Variants in FAAP20 observed in about 807,000 individuals in gnomAD.
FAAP20 encodes Fanconi anemia core complex-associated protein 20.
Under a neutral mutation model 16.2 loss-of-function variants are expected in FAAP20, and 12 were observed. The observed-to-expected ratio is 0.74, with a 90% confidence interval of 0.48 to 1.20. The LOEUF (loss-of-function observed/expected upper bound fraction) is 1.20. FAAP20 is among the 50% of genes most tolerant of loss of function. FAAP20 has a pLI of 0.00. For synonymous variants in FAAP20, 141 were observed against 110.7 expected, an observed-to-expected ratio of 1.27 and a Z score of -1.72; for missense variants, 288 against 245.8, an observed-to-expected ratio of 1.17 and a Z score of -1.15.
intron 3 of FAAP20, among the ~76,000 whole-genome samples, chr1:2,205,272 G>T (rs1188893638): frequency 1.1e-5 from 1 of 87,294 alleles, no homozygotes; most frequent in African/African-American, 4.6e-5. Context: ...TCCAGGCAGC[G>T]CCCACACCCC....
Position 2,190,016 on chromosome 1 carries a change from G to A in FAAP20, c.471-235C>T, listed in dbSNP as rs973217185. 4.6e-5 allele frequency: 28 copies of A among 610,174 alleles called. No homozygotes were observed. The East Asian group carries it at 7.8e-4, about 17-fold the overall frequency. The allele number at this position is 610,174 out of a possible 1,614,324, so 37.8% of individuals were successfully genotyped here. ...CACGCCAGGCCCCTGCGTCCGAGCTGGGGGTGGGGAAGCTGTGTCTCAACA... is the reference window on the plus strand; with the variant it reads ...CACGCCAGGCCCCTGCGTCCGAGCTAGGGGTGGGGAAGCTGTGTCTCAACA... On this transcript the variant is annotated intron_variant, in intron 3 of 3. Transcript: ENST00000378546.
Position 2,193,923 on chromosome 1 carries a change from G to A in FAAP20, c.199-13C>T. 6.2e-7 allele frequency: 1 copy of A among 1,612,356 alleles called. No homozygotes were observed. Among genetic ancestry groups the A allele is most frequent in the Non-Finnish European group, 8.5e-7 (1 of 1,179,786 alleles). ...CGCACCTGGGCTCCTGCAACACAGA[G>A]TTGTTGGGCCTTGCCCAGCGATGGC... On this transcript the variant is annotated splice_polypyrimidine_tract_variant and intron_variant, in intron 2 of 3. Transcript: ENST00000378546.
chr1:2,196,196 T>C (rs1275216448), upstream of FAAP20, among the ~76,000 whole-genome samples: 1 of 152,206 alleles, frequency 6.6e-6, no homozygotes, highest in African/African-American at 2.4e-5. This position sits in a 1 kb window ranked among gnomAD's most constrained non-coding sequence, Gnocchi z 4.5. Flanking sequence ...TTCTGGGTCT[T>C]TCCTGGAAAT....
upstream of FAAP20, chr1:2,198,294 T>A (rs72925893): frequency 2.6e-3 from 1,858 of 716,290 alleles, 39 homozygotes; most frequent in African/African-American, 0.031. Context: ...GGTGGGGGCA[T>A]CAGAGCCACC....
intron 3 of FAAP20, chr1:2,193,282 T>G: frequency 2.2e-6 from 1 of 446,872 alleles, no homozygotes; most frequent in East Asian, 4.2e-5. Flanking sequence ...TCTTCATTTT[T>G]AAAACCCATG....
Position 2,189,678 on chromosome 1 carries a change from C to G in FAAP20, c.*31G>C, listed in dbSNP as rs371506030. On this transcript the variant is annotated 3_prime_UTR_variant, in exon 4 of 4. Transcript: ENST00000378546. ...TGGCGGGGGAGAGCGTGTCCGGGCGCCGCACTCTGCGCAGGGCTCTTGGAT... is the reference window on the plus strand; with the variant it reads ...TGGCGGGGGAGAGCGTGTCCGGGCGGCGCACTCTGCGCAGGGCTCTTGGAT... The G allele has an allele frequency of 1.3e-6, 2 of 1,595,408 alleles. No individual in the cohort carries two copies. The highest frequency in any genetic ancestry group is 8.6e-7 in the Non-Finnish European group (1 of 1,166,206).
chr1:2,194,240 T>C (rs1688608711), intron 1 of FAAP20, 107 bp from the exon 2 acceptor site: 1 of 1,418,286 alleles, frequency 7.1e-7, no homozygotes, highest in African/African-American at 1.6e-5. Context: ...TGGGGGGTAC[T>C]AGAGGGAAAT....
upstream of FAAP20, chr1:2,198,405 C>T: frequency 2.7e-6 from 1 of 373,532 alleles, no homozygotes; most frequent in Non-Finnish European, 4.9e-6. Flanking sequence ...GGCCCCAGCC[C>T]ACTGAGCTGG....
At chr1:2,194,825 C>T, upstream of FAAP20, 1 of 1,082,530 alleles carries the variant, frequency 9.2e-7, no homozygotes, top group Non-Finnish European at 1.1e-6. Context: ...CCCGGCCCCG[C>T]CTCCAGACCT....
At chr1:2,196,970 C>G (rs1348650169), upstream of FAAP20, among the ~76,000 whole-genome samples, 1 of 152,214 alleles carries the variant, frequency 6.6e-6, no homozygotes, top group East Asian at 1.9e-4. The surrounding 1 kb of genome is among the most constrained non-coding windows in gnomAD (Gnocchi z 4.5). Flanking sequence ...CTCCCAACCC[C>G]AGGGTTCTGC....
chr1:2,187,206 A>G (rs1687694605), downstream of FAAP20: 1 of 470,768 alleles, frequency 2.1e-6, no homozygotes. Flanking sequence ...TCCATGAAAG[A>G]CTTTAATGGA....
chr1:2,185,016 G>C (rs80119748), downstream of FAAP20: 38 of 1,607,972 alleles, frequency 2.4e-5, 1 homozygote, highest in South Asian at 4.0e-4. Context: ...GTGAGGCCGC[G>C]TGCGTCTCTG....
downstream of FAAP20, chr1:2,186,089 G>A (rs750407897): frequency 7.7e-5 from 35 of 454,058 alleles, no homozygotes; most frequent in Middle Eastern, 3.3e-4. Flanking sequence ...TGGCAGAGCC[G>A]TCTTCTGAGC....
At chr1:2,206,454 T>A (rs1010165193) in intron 2 of FAAP20, 3 of 152,200 alleles carry the variant, frequency 2.0e-5, no homozygotes, top group African/African-American at 7.2e-5. Flanking sequence ...ACTGTTTAAC[T>A]CCAGTGAAAA....
At chr1:2,206,184 C>T (rs1226392067) in intron 3 of FAAP20, 1 of 152,328 alleles carries the variant, frequency 6.6e-6, no homozygotes, top group African/African-American at 2.4e-5. Context: ...CCTTAAGAAA[C>T]AAAGCGTGAA....
upstream of FAAP20, chr1:2,201,168 T>A: frequency 7.9e-7 from 1 of 1,269,556 alleles, no homozygotes; most frequent in Non-Finnish European, 1.0e-6. Context: ...CTGAGTGACG[T>A]GCAGACCTTC....
intron 1 of FAAP20, 145 bp from the exon 2 acceptor site, chr1:2,194,278 G>T: frequency 1.9e-6 from 2 of 1,072,730 alleles, no homozygotes; most frequent in Non-Finnish European, 2.6e-6. Context: ...GGCCGGCAGG[G>T]TTGGGGGAAG....
downstream of FAAP20, chr1:2,186,965 A>G: frequency 3.6e-6 from 1 of 278,228 alleles, no homozygotes. Flanking sequence ...TTATAAATTA[A>G]AGTGAAGGAT....
chr1:2,206,570 A>G (rs1395870776), exon 2 of FAAP20: 3 of 152,306 alleles, frequency 2.0e-5, no homozygotes, highest in Non-Finnish European at 4.4e-5. Flanking sequence ...GTGGTGGCTC[A>G]CGCCTGTAAT....
Sources: allele counts gnomAD v4.1 joint callset (sites outside exome capture counted in the v4.1 genomes callset), GRCh38; gene constraint gnomAD v4.1.1; non-coding constraint Gnocchi (gnomAD v3.1); transcripts MANE v1.5; gene names NCBI Gene and HGNC (gene_info 2026-07-23, HGNC 2026-07-21).